Variants in ZNF609 observed in about 807,000 individuals in gnomAD.
ZNF609 encodes the protein zinc finger protein 609.
In ZNF609, 11 loss-of-function variants were observed where a neutral mutation model predicts 109.5. That is an observed-to-expected ratio of 0.10 (90% CI 0.06 to 0.17). The LOEUF (loss-of-function observed/expected upper bound fraction) is 0.17. ZNF609 is among the 10% of genes least tolerant of loss of function. ZNF609 has a pLI of 1.00. For synonymous variants in ZNF609, 646 were observed against 662.0 expected (o/e 0.98, Z 0.37); for missense variants, 1,559 against 1,772.4 (o/e 0.88, Z 2.16).
rs574298729 is a variant in ZNF609 at position 64,625,666 on chromosome 15, G to A, written c.973+2614G>A. 3.1e-4 allele frequency among the ~76,000 whole-genome samples: 47 copies of A among 151,584 alleles called. No individual in the cohort carries two copies. The South Asian group carries it at 9.4e-3, about 30-fold the overall frequency. ...AGCACTTTAGGAGGCCGAGGCGGGC[G>A]GATCACGAGGTCAGGAGATGGAGAC... On this transcript the variant is annotated intron_variant, in intron 3 of 9. Coordinates refer to ENST00000326648, the MANE Select transcript of ZNF609 (RefSeq NM_015042.2).
At chr15:64,607,163 TAAA>T (rs1322969980) in intron 2 of ZNF609, among the ~76,000 whole-genome samples, 1 of 108,062 alleles carries the variant, frequency 9.3e-6, no homozygotes, top group Admixed American at 1.2e-4. Flanking sequence ...ATAAATAAAG[TAAA>T]AAATAAATAA....
intron 2 of ZNF609, among the ~76,000 whole-genome samples, chr15:64,580,134 A>G (rs974927282): frequency 6.6e-6 from 1 of 152,192 alleles, no homozygotes; most frequent in Non-Finnish European, 1.5e-5. Flanking sequence ...AGATTTAAAA[A>G]TGGTATACTA....
chr15:64,584,247 T>C (rs1316056200), intron 2 of ZNF609, among the ~76,000 whole-genome samples: 1 of 152,176 alleles, frequency 6.6e-6, no homozygotes, highest in Non-Finnish European at 1.5e-5. Context: ...TGTTTGAGTC[T>C]AGGAGTTTGA....
At chr15:64,512,155 T>C (rs979977747) in intron 2 of ZNF609, among the ~76,000 whole-genome samples, 3 of 152,200 alleles carry the variant, frequency 2.0e-5, no homozygotes, top group Non-Finnish European at 2.9e-5. Context: ...AATTCAACTA[T>C]AATGAACCTG....
rs145586362 is a variant in ZNF609, at chr15:64,685,922, C to G, written c.*4236C>G. The G allele has an allele frequency of 6.6e-6, 1 of 152,148 alleles. No individual in the cohort carries two copies. The highest frequency in any genetic ancestry group is 1.5e-5 in the Non-Finnish European group (1 of 68,038). The allele number at this position is 152,148 out of a possible 1,614,324, so 9.4% of individuals were successfully genotyped here. A position where few individuals can be genotyped will look rare whatever the true frequency, so the allele number is the denominator to read the frequency against. On this transcript the variant is annotated 3_prime_UTR_variant, in exon 10 of 10. Coordinates refer to ENST00000326648, the MANE Select transcript of ZNF609 (RefSeq NM_015042.2). ...CAGCCCAACCAAACCATTGTTTGGC[C>G]GCTTTCTCTTTTCCTCTACCTTCCT...
At chr15:64,622,618 G>A (rs1408314330) in intron 2 of ZNF609, among the ~76,000 whole-genome samples, 1 of 152,142 alleles carries the variant, frequency 6.6e-6, no homozygotes, top group East Asian at 1.9e-4. Context: ...TCATTAATAA[G>A]AGTTTCTCTT....
At chr15:64,631,490 T>C (rs1256456648) in intron 3 of ZNF609, 5 of 702,880 alleles carry the variant, frequency 7.1e-6, no homozygotes, top group South Asian at 1.4e-5. Context: ...ACCTTTCTTA[T>C]AGATTCGCAT....
chr15:64,569,023 T>C (rs536071741), intron 2 of ZNF609, among the ~76,000 whole-genome samples: 40 of 152,372 alleles, frequency 2.6e-4, no homozygotes, highest in African/African-American at 7.7e-4. Context: ...CTCAAACATA[T>C]GAAGCTTGCT....
intron 2 of ZNF609, among the ~76,000 whole-genome samples, chr15:64,512,806 A>G (rs556383943): frequency 1.6e-4 from 24 of 152,164 alleles, no homozygotes; most frequent in South Asian, 4.1e-4. Flanking sequence ...CACATACCTA[A>G]TTGTGCAGCA....
At chr15:64,577,092 GTA>G (rs1312825501) in intron 2 of ZNF609, among the ~76,000 whole-genome samples, 4 of 89,966 alleles carry the variant, frequency 4.4e-5, no homozygotes, top group African/African-American at 1.6e-4. Context: ...ATACATATAT[GTA>G]TATATACACA....
At position 64,472,011 on chromosome 15, in the gene ZNF609, A is replaced by C. The variant is rs1893098429; in HGVS notation, c.-128+11173A>C. Among the ~76,000 whole-genome samples, 3 of 150,310 alleles carry C rather than the reference A, an allele frequency of 2.0e-5. No individual in the cohort carries two copies. In the South Asian group the frequency reaches 6.4e-4, roughly 32 times the overall value. ...CTGCATCCTCAGCCTCCTGGGTTCA[A>C]GTGATTCTCCTGCCTCAGCCTCCCG... is the stretch of plus-strand genomic sequence containing the variant. On this transcript the variant is annotated intron_variant, in intron 1 of 9. Transcript: ENST00000326648.
At chr15:64,528,638 G>T in intron 2 of ZNF609, 1 of 883,724 alleles carries the variant, frequency 1.1e-6, no homozygotes, top group Non-Finnish European at 1.8e-6. Flanking sequence ...TTCCTCTCAT[G>T]CTGTCGCTGG....
intron 1 of ZNF609, among the ~76,000 whole-genome samples, chr15:64,482,778 G>A (rs2140338472): frequency 6.6e-6 from 1 of 152,284 alleles, no homozygotes; most frequent in East Asian, 1.9e-4. Flanking sequence ...ACATTGTTTA[G>A]TTTGAAAAGA....
intron 1 of ZNF609, among the ~76,000 whole-genome samples, chr15:64,489,217 ACTCT>A (rs1189155603): frequency 6.7e-6 from 1 of 148,782 alleles, no homozygotes; most frequent in African/African-American, 2.5e-5. Flanking sequence ...ATGGAGTCTC[ACTCT>A]CTCTCCCAGG....
intron 2 of ZNF609, among the ~76,000 whole-genome samples, chr15:64,528,009 A>G (rs1039774184): frequency 2.0e-5 from 3 of 152,218 alleles, no homozygotes; most frequent in Non-Finnish European, 4.4e-5. Context: ...GAATGAAGTT[A>G]AACACCTATT....
chr15:64,655,932 G>C (rs1896481887), intron 3 of ZNF609, among the ~76,000 whole-genome samples: 1 of 152,166 alleles, frequency 6.6e-6, no homozygotes, highest in African/African-American at 2.4e-5. Flanking sequence ...AATGGAATAA[G>C]TAATTAACTA....
chr15:64,471,433 T>G (rs1390108591), intron 1 of ZNF609: 1 of 152,146 alleles, frequency 6.6e-6, no homozygotes, highest in Non-Finnish European at 1.5e-5. Context: ...TTTTGGATCA[T>G]TAAAAAGTCC....
intron 2 of ZNF609, among the ~76,000 whole-genome samples, chr15:64,588,803 T>C (rs1895246301): frequency 6.6e-6 from 1 of 152,084 alleles, no homozygotes; most frequent in African/African-American, 2.4e-5. Flanking sequence ...TACGTCTGGC[T>C]AATTTTGTAT....
At chr15:64,624,970 C>T (rs938835444) in intron 3 of ZNF609, among the ~76,000 whole-genome samples, 9 of 151,864 alleles carry the variant, frequency 5.9e-5, no homozygotes, top group East Asian at 3.9e-4. Flanking sequence ...GTGCTGGCCA[C>T]GCTGGTCTTG....
Sources: allele counts gnomAD v4.1 joint callset (sites outside exome capture counted in the v4.1 genomes callset), GRCh38; gene constraint gnomAD v4.1.1; transcripts MANE v1.5; gene names NCBI Gene and HGNC (gene_info 2026-07-23, HGNC 2026-07-21).